Variants in FSTL5 observed in about 807,000 individuals in gnomAD.
FSTL5 encodes the protein follistatin like 5.
Under a neutral mutation model 89.1 loss-of-function variants are expected in FSTL5, and 62 were observed. That is an observed-to-expected ratio of 0.70 (90% CI 0.57 to 0.86). The LOEUF is 0.86. Ranked by LOEUF, FSTL5 falls within the 40% of genes least tolerant of loss-of-function variation. The pLI is 0.00. For synonymous variants in FSTL5, 383 were observed against 346.2 expected, an observed-to-expected ratio of 1.11 and a Z score of -1.18; for missense variants, 1,057 against 1,001.6, an observed-to-expected ratio of 1.06 and a Z score of -0.75.
At chr4:161,740,508 C>T (rs1387075324) in intron 6 of FSTL5, among the ~76,000 whole-genome samples, 1 of 151,888 alleles carries the variant, frequency 6.6e-6, no homozygotes, top group Non-Finnish European at 1.5e-5. Flanking sequence ...AAACATGATT[C>T]TTCAAGAACT....
At chr4:161,937,995 C>T (rs1349627438) in intron 3 of FSTL5, among the ~76,000 whole-genome samples, 2 of 152,134 alleles carry the variant, frequency 1.3e-5, no homozygotes, top group Non-Finnish European at 2.9e-5. Context: ...TCATATAGGT[C>T]TCATCTTACA....
intron 4 of FSTL5, among the ~76,000 whole-genome samples, chr4:161,810,545 G>A (rs189067345): frequency 4.6e-5 from 7 of 152,206 alleles, no homozygotes; most frequent in Non-Finnish European, 1.0e-4. Flanking sequence ...CATTAATTTG[G>A]CAATTGGTGC....
chr4:161,741,350 A>G (rs1161389199), intron 6 of FSTL5, among the ~76,000 whole-genome samples: 1 of 152,170 alleles, frequency 6.6e-6, no homozygotes, highest in African/African-American at 2.4e-5. Context: ...AAGGAAGAGA[A>G]CTGGAAAGAT....
intron 7 of FSTL5, among the ~76,000 whole-genome samples, chr4:161,594,402 T>C (rs1733934712): frequency 6.6e-6 from 1 of 152,146 alleles, no homozygotes; most frequent in African/African-American, 2.4e-5. Context: ...TTTCCATACG[T>C]TCTATGTAGC....
chr4:161,884,733 C>T (rs1732745396), intron 4 of FSTL5, among the ~76,000 whole-genome samples: 1 of 152,054 alleles, frequency 6.6e-6, no homozygotes, highest in African/African-American at 2.4e-5. Flanking sequence ...AATATTATGG[C>T]AGTTATATTT....
chr4:162,060,884 T>G (rs1738698019), intron 2 of FSTL5, among the ~76,000 whole-genome samples: 1 of 151,978 alleles, frequency 6.6e-6, no homozygotes, highest in Non-Finnish European at 1.5e-5. Context: ...ATACAGAAAT[T>G]TCTGAAAGAG....
intron 15 of FSTL5, among the ~76,000 whole-genome samples, chr4:161,424,427 T>C (rs960065193): frequency 2.6e-5 from 4 of 151,934 alleles, no homozygotes; most frequent in African/African-American, 9.7e-5. Context: ...TTTTAGGTTT[T>C]ATTTTTTGAG....
chr4:161,922,315 T>C (rs914330036), intron 3 of FSTL5, among the ~76,000 whole-genome samples: 7 of 152,008 alleles, frequency 4.6e-5, no homozygotes, highest in African/African-American at 1.7e-4. Context: ...GATAACTCAC[T>C]GAAATATTTT....
chr4:161,935,464 G>T (rs568013013), intron 3 of FSTL5, among the ~76,000 whole-genome samples: 1 of 152,096 alleles, frequency 6.6e-6, no homozygotes, highest in African/African-American at 2.4e-5. Flanking sequence ...TGTCCTCATA[G>T]AACTAAGGAA....
intron 6 of FSTL5, among the ~76,000 whole-genome samples, chr4:161,747,381 T>G (rs900780538): frequency 6.6e-6 from 1 of 152,234 alleles, no homozygotes; most frequent in African/African-American, 2.4e-5. Context: ...TTTGAAAAGT[T>G]TCCTTCTTTT....
intron 3 of FSTL5, among the ~76,000 whole-genome samples, chr4:161,993,908 T>C (rs1428860016): frequency 1.3e-5 from 2 of 152,194 alleles, no homozygotes; most frequent in African/African-American, 4.8e-5. Context: ...TTTCAACTTT[T>C]ATCTTGAGCT....
intron 4 of FSTL5, among the ~76,000 whole-genome samples, chr4:161,853,538 A>T (rs1319714596): frequency 6.6e-6 from 1 of 150,800 alleles, no homozygotes; most frequent in Non-Finnish European, 1.5e-5. Flanking sequence ...TCGGCCTCCC[A>T]AGTGGCTTTT....
At chr4:162,119,437 A>G (rs1296390148) in intron 1 of FSTL5, among the ~76,000 whole-genome samples, 1 of 152,226 alleles carries the variant, frequency 6.6e-6, no homozygotes. Context: ...TGTGACTGCT[A>G]TGTCCAGATT....
intron 7 of FSTL5, among the ~76,000 whole-genome samples, chr4:161,598,043 T>G (rs1054860178): frequency 6.6e-6 from 1 of 152,132 alleles, no homozygotes; most frequent in Non-Finnish European, 1.5e-5. Context: ...ATTCCTAAAT[T>G]AATCCAAAAT....
chr4:161,498,289 C>T (rs1485286448), intron 12 of FSTL5, among the ~76,000 whole-genome samples: 2 of 152,046 alleles, frequency 1.3e-5, no homozygotes, highest in Non-Finnish European at 2.9e-5. Flanking sequence ...GTTGCCCTGA[C>T]ATGTTGCAAA....
At chr4:161,991,901 G>C (rs889931954) in intron 3 of FSTL5, among the ~76,000 whole-genome samples, 11 of 152,150 alleles carry the variant, frequency 7.2e-5, no homozygotes, top group African/African-American at 2.2e-4. Context: ...TGGCCTTTCA[G>C]AACGGATATG....
intron 15 of FSTL5, among the ~76,000 whole-genome samples, chr4:161,392,029 C>T (rs781595179): frequency 6.6e-6 from 1 of 151,926 alleles, no homozygotes; most frequent in Non-Finnish European, 1.5e-5. Context: ...CATGGAAGTC[C>T]TTATTTTCTT....
At chr4:161,600,342 GAGA>G (rs1405993949) in intron 7 of FSTL5, among the ~76,000 whole-genome samples, 1 of 152,032 alleles carries the variant, frequency 6.6e-6, no homozygotes, top group Admixed American at 6.6e-5. Context: ...TCATGCACAG[GAGA>G]AGAAGGAGAG....
chr4:161,705,524 AT>A (rs1738537015), intron 6 of FSTL5, among the ~76,000 whole-genome samples: 1 of 152,088 alleles, frequency 6.6e-6, no homozygotes, highest in African/African-American at 2.4e-5. Context: ...AATAAGCACA[AT>A]ATTAGAAAAC....
Sources: allele counts gnomAD v4.1 joint callset (sites outside exome capture counted in the v4.1 genomes callset), GRCh38; gene constraint gnomAD v4.1.1; transcripts MANE v1.5; gene names NCBI Gene and HGNC (gene_info 2026-07-23, HGNC 2026-07-21).